The following PPARGC1A variants were observed in gnomAD, a reference collection of about 807,000 sequenced individuals.
PPARGC1A encodes PPARG coactivator 1 alpha.
PPARGC1A carries 25 observed loss-of-function variants against 88.7 expected under a neutral mutation model. That is an observed-to-expected ratio of 0.28 (90% CI 0.21 to 0.39). The LOEUF (loss-of-function observed/expected upper bound fraction) is 0.39. Ranked by LOEUF, PPARGC1A falls within the 10% of genes least tolerant of loss-of-function variation. PPARGC1A has a pLI of 1.00. For missense variants in PPARGC1A, 880 were observed against 968.7 expected (o/e 0.91, Z 1.22); for synonymous variants, 363 against 355.6 (o/e 1.02, Z -0.24).
intron 2 of PPARGC1A, among the ~76,000 whole-genome samples, chr4:23,855,141 T>A (rs949082483): frequency 6.6e-6 from 1 of 152,162 alleles, no homozygotes; most frequent in Non-Finnish European, 1.5e-5. Flanking sequence ...TCTGCTGCCA[T>A]GTAGGATGTG....
the PPARGC1A span, among the ~76,000 whole-genome samples, chr4:23,929,852 G>T: frequency 1.3e-5 from 2 of 152,050 alleles, no homozygotes; most frequent in African/African-American, 4.8e-5. Flanking sequence ...CATTCATTGC[G>T]CCCTAGGCTA....
At chr4:24,042,421 G>C in the PPARGC1A span, among the ~76,000 whole-genome samples, 1 of 152,292 alleles carries the variant, frequency 6.6e-6, no homozygotes, top group South Asian at 2.1e-4. Flanking sequence ...CAAGCAAGCT[G>C]AAGTCCAACA....
At chr4:24,449,134 G>A in the PPARGC1A span, among the ~76,000 whole-genome samples, 1 of 152,166 alleles carries the variant, frequency 6.6e-6, no homozygotes, top group Non-Finnish European at 1.5e-5. Context: ...CAGTTTCCAT[G>A]TCTCAATGAT....
chr4:24,138,907 T>C, the PPARGC1A span, among the ~76,000 whole-genome samples: 1 of 152,156 alleles, frequency 6.6e-6, no homozygotes, highest in Non-Finnish European at 1.5e-5. Context: ...TCCTTTAACC[T>C]ACAAGACACT....
the PPARGC1A span, among the ~76,000 whole-genome samples, chr4:24,263,274 G>A: frequency 3.3e-5 from 5 of 152,086 alleles, no homozygotes; most frequent in East Asian, 1.9e-4. Flanking sequence ...AAACACTATC[G>A]ATATGTCCAA....
At chr4:23,969,135 C>T in the PPARGC1A span, among the ~76,000 whole-genome samples, 3 of 152,124 alleles carry the variant, frequency 2.0e-5, no homozygotes, top group South Asian at 2.1e-4. Flanking sequence ...TGTCTGAAGC[C>T]ACACAGCTAC....
At chr4:23,902,169 A>T (rs1354351107), upstream of PPARGC1A, among the ~76,000 whole-genome samples, 2 of 152,212 alleles carry the variant, frequency 1.3e-5, no homozygotes, top group Non-Finnish European at 2.9e-5. Context: ...AATTAAATTT[A>T]AAATTTTTAA....
At chr4:24,080,977 T>C in the PPARGC1A span, among the ~76,000 whole-genome samples, 2 of 151,956 alleles carry the variant, frequency 1.3e-5, no homozygotes, top group South Asian at 4.2e-4. Context: ...GCTGAGAAGA[T>C]GGGAGAGAGA....
rs11290186 is a variant in PPARGC1A, at chr4:23,814,619, T to TA, written c.878-15dup. ...GTGGAGTTAGGCCTAAGGCAAAAAT[T>TA]AAAAAAAAAAAAAAAAAGAGAGAGA... On this transcript the variant is annotated splice_polypyrimidine_tract_variant and intron_variant, in intron 7 of 12. Coordinates refer to ENST00000264867, the MANE Select transcript of PPARGC1A (RefSeq NM_013261.5). 0.014 allele frequency: 16,278 copies of TA among 1,176,514 alleles called. 25 individuals are homozygous for TA. Among genetic ancestry groups the TA allele is most frequent in the East Asian group, 0.047 (1,717 of 36,154 alleles). The allele number at this position is 1,176,514 out of a possible 1,614,324, so 72.9% of individuals were successfully genotyped here.
At chr4:24,064,559 C>T in the PPARGC1A span, among the ~76,000 whole-genome samples, 31,013 of 151,892 alleles carry the variant, frequency 0.2, 4,056 homozygotes, top group Admixed American at 0.34. Context: ...TGCCAGAAAA[C>T]GAGACACAAA....
the PPARGC1A span, among the ~76,000 whole-genome samples, chr4:24,315,072 C>A: frequency 4.6e-5 from 7 of 150,882 alleles, no homozygotes; most frequent in East Asian, 1.4e-3. Flanking sequence ...AAGGATCAGA[C>A]CAAAAGCCTT....
At chr4:23,947,201 C>T in the PPARGC1A span, among the ~76,000 whole-genome samples, 1 of 151,686 alleles carries the variant, frequency 6.6e-6, no homozygotes, top group Non-Finnish European at 1.5e-5. Context: ...AATGATGATT[C>T]CACGAGTACT....
the PPARGC1A span, among the ~76,000 whole-genome samples, chr4:24,028,464 G>A: frequency 1.3e-5 from 2 of 152,160 alleles, no homozygotes; most frequent in Non-Finnish European, 2.9e-5. Context: ...ATGAGCCTTT[G>A]AGGAGATGTC....
the PPARGC1A span, among the ~76,000 whole-genome samples, chr4:24,168,133 T>TA: frequency 5.9e-5 from 9 of 152,346 alleles, no homozygotes; most frequent in East Asian, 1.7e-3. Context: ...CAGTATAGTA[T>TA]AAAAATAACT....
At chr4:24,194,630 G>GCGCGCACA in the PPARGC1A span, among the ~76,000 whole-genome samples, 2 of 48,610 alleles carry the variant, frequency 4.1e-5, no homozygotes, top group African/African-American at 1.2e-4. Flanking sequence ...GCACGCGCGC[G>GCGCGCACA]CACACACACA....
At chr4:23,801,691 A>G (rs1474221682) in intron 12 of PPARGC1A, 39 bp downstream of exon 12, 5 of 1,610,168 alleles carry the variant, frequency 3.1e-6, no homozygotes, top group African/African-American at 1.3e-5. Flanking sequence ...TGAGCTCTAC[A>G]TTATGGATTC....
At chr4:24,073,160 G>A in the PPARGC1A span, among the ~76,000 whole-genome samples, 5 of 152,078 alleles carry the variant, frequency 3.3e-5, no homozygotes, top group African/African-American at 1.2e-4. Context: ...TCCTGCCTCA[G>A]CCTCCCAAGT....
chr4:23,857,049 C>T (rs1271685392), intron 2 of PPARGC1A, among the ~76,000 whole-genome samples: 1 of 152,016 alleles, frequency 6.6e-6, no homozygotes, highest in Non-Finnish European at 1.5e-5. Context: ...TATTTGAAAA[C>T]TTAAAAAATG....
At chr4:24,146,584 T>C in the PPARGC1A span, among the ~76,000 whole-genome samples, 6 of 152,188 alleles carry the variant, frequency 3.9e-5, no homozygotes, top group African/African-American at 7.2e-5. Context: ...ATATTAAAGA[T>C]CCAATCTGCA....
Sources: allele counts gnomAD v4.1 joint callset (sites outside exome capture counted in the v4.1 genomes callset), GRCh38; gene constraint gnomAD v4.1.1; transcripts MANE v1.5; gene names NCBI Gene and HGNC (gene_info 2026-07-23, HGNC 2026-07-21).